The following AHNAK variants were observed in gnomAD, a reference collection of about 807,000 sequenced individuals.
AHNAK encodes neuroblast differentiation-associated protein AHNAK.
A neutral mutation model predicts 37.8 loss-of-function variants in AHNAK; 23 were observed. That is an observed-to-expected ratio of 0.61 (90% CI 0.44 to 0.86). AHNAK has a LOEUF of 0.86. Ranked by LOEUF, AHNAK falls within the 40% of genes least tolerant of loss-of-function variation. The pLI, the probability that AHNAK is intolerant of heterozygous loss-of-function variation, is 0.00. For synonymous variants in AHNAK, 2,481 were observed against 2,636.3 expected (o/e 0.94, Z 1.80); for missense variants, 7,411 against 7,319.4 (o/e 1.01, Z -0.46).
At chr11:62,459,720 C>G (rs1259748577) in intron 5 of AHNAK, among the ~76,000 whole-genome samples, 1 of 152,174 alleles carries the variant, frequency 6.6e-6, no homozygotes, top group Non-Finnish European at 1.5e-5. Context: ...CCCTAATCTC[C>G]TGCATGTCAC....
chr11:62,444,720 G>T (rs1408995478), intron 5 of AHNAK, among the ~76,000 whole-genome samples: 1 of 152,258 alleles, frequency 6.6e-6, no homozygotes, highest in East Asian at 1.9e-4. Context: ...GGCACTCCGG[G>T]TGCGTCAGCT....
chr11:62,517,050 G>A lies in AHNAK; in HGVS notation c.17367C>T (p.Phe5789=). The A allele has an allele frequency of 6.2e-7, 1 of 1,614,202 alleles. No individual in the cohort carries two copies. Among genetic ancestry groups the A allele is most frequent in the East Asian group, 2.2e-5 (1 of 44,882 alleles). Residue 5789 remains phenylalanine, a synonymous_variant, in exon 5 of 5, where the codon TTC becomes TTT. Transcript: ENST00000378024. ...TCCCCGTCGGGGTGGAAGGTCCAGA[G>A]AACTCTCTTTCATCACTGAATGAAT... ...RSNSFSDERE[F]SGPSTPTGTL...
chr11:62,464,348 G>A lies in AHNAK; in HGVS notation c.442+27384C>T, dbSNP rs546896350. On this transcript the variant is annotated intron_variant, in intron 5 of 5. Transcript: ENST00000257247. ...GCTGGGGTTACAGGCAGGAGCCACC[G>A]CACCCAGCCTGAACTTGCTATTTTA... Among the ~76,000 whole-genome samples the A allele has an allele frequency of 2.2e-4, 33 of 151,414 alleles. 1 individual carries two copies. The South Asian group carries it at 6.8e-3, about 31-fold the overall frequency.
Position 62,525,509 on chromosome 11 carries a change from A to C in AHNAK, c.8908T>G (p.Leu2970Val), listed in dbSNP as rs753547549. ...TTCACCTTGGGACCTTTCAGATGCAAATCAAAGTCAGGCATGGGGATCTTG... is the reference window on the plus strand; with the variant it reads ...TTCACCTTGGGACCTTTCAGATGCACATCAAAGTCAGGCATGGGGATCTTG... ...APKIPMPDFDLHLKGPKVKGD... is the reference protein window; with the variant it reads ...APKIPMPDFDVHLKGPKVKGD... The change falls in exon 5 of 5, where the codon TTG becomes GTG. Residue 2970 changes from leucine to valine, a missense_variant. Transcript: ENST00000378024. 53 of 1,606,202 alleles carry C rather than the reference A, an allele frequency of 3.3e-5. No homozygotes were observed. The highest frequency in any genetic ancestry group is 2.4e-4 in the Admixed American group (14 of 59,204).
At chr11:62,537,761 CA>C (rs1940997820) in intron 1 of AHNAK, among the ~76,000 whole-genome samples, 1 of 151,882 alleles carries the variant, frequency 6.6e-6, no homozygotes, top group Non-Finnish European at 1.5e-5. Context: ...CAGCTCACTG[CA>C]ACCTCCCCCT....
At position 62,535,972 on chromosome 11, in the gene AHNAK, C is replaced by A. The variant is rs756435588; in HGVS notation, c.127G>T (p.Ala43Ser). The A allele has an allele frequency of 1.2e-6, 2 of 1,612,346 alleles. No homozygotes were observed. The highest frequency in any genetic ancestry group is 2.2e-5 in the South Asian group (2 of 91,018). The change falls in exon 3 of 5, where the codon GCG (alanine) becomes TCG (serine). Residue 43 changes from alanine (A) to serine (S), a missense_variant. Ala to Ser is a moderately conservative substitution (Grantham distance 99, BLOSUM62 1). Transcript: ENST00000378024. ...TCCTTGACCACCCCAGTGCGGGCCG[C>A]AGGGGAGTTCTGCGTCACCTCCTGC... ...FVQEVTQNSP[A>S]ARTGVVKEGD...
At chr11:62,456,452 T>A (rs1247192180) in intron 5 of AHNAK, among the ~76,000 whole-genome samples, 1 of 152,204 alleles carries the variant, frequency 6.6e-6, no homozygotes, top group Non-Finnish European at 1.5e-5. Flanking sequence ...TTACCCCATT[T>A]TACAAAGGGG....
intron 4 of AHNAK, among the ~76,000 whole-genome samples, chr11:62,508,826 T>A (rs2134180365): frequency 6.6e-6 from 1 of 152,372 alleles, no homozygotes; most frequent in East Asian, 1.9e-4. Context: ...AGCTGCTCTG[T>A]GCTGCAAAGC....
chr11:62,517,152 T>C lies in AHNAK; in HGVS notation c.17265A>G (p.Gly5755=), dbSNP rs917755038. 1 of 1,612,982 alleles carries C rather than the reference T, an allele frequency of 6.2e-7. No individual in the cohort carries two copies. The highest frequency in any genetic ancestry group is 1.3e-5 in the African/African-American group (1 of 74,842). ...SSKASLGSLE[G]EAEAEASSPK... is the part of the protein sequence containing the mutation. ...GTGAAGAGGCTTCGGCCTCTGCCTC[T>C]CCTTCCAGAGAGCCCAGGCTGGCCT... Residue 5755 remains glycine (G), a synonymous_variant, in exon 5 of 5, where the codon GGA becomes GGG. Coordinates refer to ENST00000378024, the MANE Select transcript of AHNAK (RefSeq NM_001620.3).
intron 5 of AHNAK, among the ~76,000 whole-genome samples, chr11:62,445,152 C>T (rs538573806): frequency 2.9e-4 from 44 of 152,278 alleles, no homozygotes; most frequent in African/African-American, 1.0e-3. Flanking sequence ...CCACACGTGA[C>T]CCAGTGGAGA....
In AHNAK at chr11:62,530,568, A is replaced by G; in HGVS notation, c.3849T>C (p.Ile1283=). ...EVDVNLPKAD[I]DVSGPKVDVE... is the part of the protein sequence containing the mutation. ...CATCCACCTTGGGTCCTGAGACATC[A>G]ATGTCAGCCTTGGGCAGGTTCACAT... is the stretch of plus-strand genomic sequence containing the variant. The change falls in exon 5 of 5, where the codon ATT becomes ATC. Residue 1283 remains isoleucine (I), a synonymous_variant. Coordinates refer to ENST00000378024, the MANE Select transcript of AHNAK (RefSeq NM_001620.3). 1 of 1,610,164 alleles carries G rather than the reference A, an allele frequency of 6.2e-7. No individual in the cohort carries two copies. Among genetic ancestry groups the G allele is most frequent in the Non-Finnish European group, 8.5e-7 (1 of 1,179,044 alleles).
chr11:62,465,477 G>A (rs954702028), intron 5 of AHNAK, among the ~76,000 whole-genome samples: 11 of 152,066 alleles, frequency 7.2e-5, no homozygotes, highest in Non-Finnish European at 7.4e-5. Flanking sequence ...GCTGGGCGTT[G>A]TGGCAGGCGC....
intron 5 of AHNAK, among the ~76,000 whole-genome samples, chr11:62,472,860 G>T (rs1939060393): frequency 6.6e-6 from 1 of 152,020 alleles, no homozygotes; most frequent in Non-Finnish European, 1.5e-5. Context: ...GCCAAGGCGG[G>T]TGGATCGCTT....
intron 5 of AHNAK, among the ~76,000 whole-genome samples, chr11:62,486,116 A>G (rs980899577): frequency 2.0e-5 from 3 of 152,158 alleles, no homozygotes; most frequent in Non-Finnish European, 4.4e-5. Flanking sequence ...TAAGCTAGAC[A>G]GAAGAGGACA....
chr11:62,460,576 T>C (rs989197497), intron 5 of AHNAK, among the ~76,000 whole-genome samples: 13 of 152,206 alleles, frequency 8.5e-5, no homozygotes, highest in African/African-American at 3.1e-4. Flanking sequence ...GATTAAAATT[T>C]TTAATTTTGT....
chr11:62,490,689 G>C (rs1939490878), intron 5 of AHNAK, among the ~76,000 whole-genome samples: 1 of 152,180 alleles, frequency 6.6e-6, no homozygotes, highest in African/African-American at 2.4e-5. Flanking sequence ...TGACACGGCA[G>C]TCAGTCCTCT....
intron 5 of AHNAK, among the ~76,000 whole-genome samples, chr11:62,443,881 AC>A: frequency 6.6e-6 from 1 of 152,206 alleles, no homozygotes; most frequent in Non-Finnish European, 1.5e-5. Context: ...CATTCCTTGG[AC>A]TCAGCCCTGG....
chr11:62,538,694 C>T (rs1222653742), intron 1 of AHNAK, among the ~76,000 whole-genome samples: 1 of 152,254 alleles, frequency 6.6e-6, no homozygotes, highest in Non-Finnish European at 1.5e-5. Flanking sequence ...TCACATCACT[C>T]ACGCACCCAT....
rs1940669577 is a variant in AHNAK at position 62,530,007 on chromosome 11, A to G, written c.4410T>C (p.Asp1470=). Reference sequence around the variant, plus strand: ...CTCCTTCTACTTTTGGAACTGTTACATCATAATCTCCTTTCATTTTAGGAC... The same window carrying G: ...CTCCTTCTACTTTTGGAACTGTTACGTCATAATCTCCTTTCATTTTAGGAC... The part of the protein sequence containing the change: ...LKGPKMKGDY[D]VTVPKVEGEI... Residue 1470 remains aspartate (D), a synonymous_variant, in exon 5 of 5, where the codon GAT becomes GAC. Coordinates refer to ENST00000378024, the MANE Select transcript of AHNAK (RefSeq NM_001620.3). 1 of 1,613,904 alleles carries G rather than the reference A, an allele frequency of 6.2e-7. No homozygotes were observed. The highest frequency in any genetic ancestry group is 1.3e-5 in the African/African-American group (1 of 74,858).
Sources: gnomAD v4.1 joint callset for allele counts (sites outside exome capture counted in the v4.1 genomes callset) on GRCh38, gnomAD v4.1.1 for gene constraint, MANE v1.5 for transcripts, NCBI Gene and HGNC (gene_info 2026-07-23, HGNC 2026-07-21) for gene names.